The following ZPBP variants were observed in gnomAD, a reference collection of about 807,000 sequenced individuals.
The protein encoded by ZPBP is zona pellucida-binding protein 1.
In ZPBP, 26 loss-of-function variants were observed where a neutral mutation model predicts 44.8. That is an observed-to-expected ratio of 0.58 (90% CI 0.43 to 0.81). ZPBP has a LOEUF of 0.81. ZPBP is among the 30% of genes least tolerant of loss of function. The probability of loss-of-function intolerance (pLI) is 0.00; values close to 1 mark genes in which losing one functional copy is unlikely to be tolerated. For missense variants in ZPBP, 409 were observed against 434.0 expected (o/e 0.94, Z 0.51); for synonymous variants, 174 against 153.2 (o/e 1.14, Z -1.00).
intron 2 of ZPBP, among the ~76,000 whole-genome samples, chr7:49,897,183 C>T (rs1209438460): frequency 1.3e-5 from 2 of 152,106 alleles, no homozygotes; most frequent in African/African-American, 4.8e-5. Flanking sequence ...GCGTGAGCCA[C>T]CGCGCCCGGC....
intron 1 of ZPBP, among the ~76,000 whole-genome samples, chr7:49,901,544 G>GA (rs894972775): frequency 3.3e-5 from 5 of 151,606 alleles, no homozygotes; most frequent in Admixed American, 1.3e-4. Context: ...AATTATGATA[G>GA]AAAAAATCAT....
At chr7:49,984,520 C>T (rs1260452737) in intron 6 of ZPBP, among the ~76,000 whole-genome samples, 1 of 152,122 alleles carries the variant, frequency 6.6e-6, no homozygotes, top group African/African-American at 2.4e-5. Flanking sequence ...TGAAACTGTT[C>T]TACTTTAGAT....
At chr7:49,946,854 T>C (rs1795123772) in intron 7 of ZPBP, among the ~76,000 whole-genome samples, 1 of 152,154 alleles carries the variant, frequency 6.6e-6, no homozygotes, top group African/African-American at 2.4e-5. Flanking sequence ...TTAGAGGCTA[T>C]TTTCTAGATC....
At chr7:50,034,195 T>C (rs77870963) in intron 4 of ZPBP, among the ~76,000 whole-genome samples, 1 of 151,442 alleles carries the variant, frequency 6.6e-6, no homozygotes, top group Non-Finnish European at 1.5e-5. Flanking sequence ...TTTTTTTTTT[T>C]AATTATCTAG....
chr7:49,987,121 G>T (rs1012512397), intron 6 of ZPBP, among the ~76,000 whole-genome samples: 4 of 152,080 alleles, frequency 2.6e-5, no homozygotes, highest in Admixed American at 1.3e-4. Context: ...GAACCACCTT[G>T]AATTTTCCTC....
intron 2 of ZPBP, among the ~76,000 whole-genome samples, chr7:49,874,297 A>G (rs1264417153): frequency 2.0e-5 from 3 of 152,158 alleles, no homozygotes; most frequent in East Asian, 3.8e-4. Context: ...TACCTTTTCT[A>G]TGGTTAGATA....
intron 7 of ZPBP, among the ~76,000 whole-genome samples, chr7:49,960,143 G>A (rs1795796517): frequency 6.6e-6 from 1 of 152,112 alleles, no homozygotes; most frequent in Non-Finnish European, 1.5e-5. Context: ...ACAGAGGCCG[G>A]GCGCGGTGAC....
chr7:49,913,562 T>C (rs1405168115), intron 1 of ZPBP: 1 of 152,212 alleles, frequency 6.6e-6, no homozygotes, highest in Non-Finnish European at 1.5e-5. Flanking sequence ...TTTTTGTTTA[T>C]TCTGAAATTT....
At chr7:49,940,692 A>G (rs1029186306) in intron 7 of ZPBP, 1 of 950,066 alleles carries the variant, frequency 1.1e-6, no homozygotes, top group Non-Finnish European at 1.3e-6. Context: ...ATTAAAAAAA[A>G]AAAATTGTGG....
chr7:49,955,540 G>C (rs979847427), intron 7 of ZPBP, among the ~76,000 whole-genome samples: 4 of 151,960 alleles, frequency 2.6e-5, no homozygotes, highest in Non-Finnish European at 5.9e-5. Flanking sequence ...CTGGGCAAGA[G>C]AGCGAGACTC....
rs184286722 is a variant in ZPBP at position 50,024,015 on chromosome 7, A to G, written c.707-5699T>C. Reference sequence around the variant, plus strand: ...GGAATAATAGCATAAGTTGTATAATATACAAAATGGTAATGCCAGAAGGAG... The same window carrying G: ...GGAATAATAGCATAAGTTGTATAATGTACAAAATGGTAATGCCAGAAGGAG... On this transcript the variant is annotated intron_variant, in intron 5 of 7. Coordinates refer to ENST00000046087, the MANE Select transcript of ZPBP (RefSeq NM_007009.3). Among the ~76,000 whole-genome samples the G allele has an allele frequency of 6.6e-5, 10 of 152,140 alleles. No homozygotes were observed. The East Asian group carries it at 1.7e-3, about 26-fold the overall frequency.
At chr7:49,895,393 CA>C (rs1234764673) in intron 2 of ZPBP, among the ~76,000 whole-genome samples, 5 of 152,168 alleles carry the variant, frequency 3.3e-5, no homozygotes, top group African/African-American at 1.2e-4. Context: ...CAGATCACAG[CA>C]TTGTGCATCA....
At chr7:50,061,647 G>A (rs1419485798) in intron 3 of ZPBP, among the ~76,000 whole-genome samples, 1 of 152,226 alleles carries the variant, frequency 6.6e-6, no homozygotes, top group Non-Finnish European at 1.5e-5. Flanking sequence ...CATATTGACA[G>A]AGCAGGAGCA....
At chr7:50,028,814 G>A (rs1799455758) in intron 5 of ZPBP, among the ~76,000 whole-genome samples, 3 of 147,584 alleles carry the variant, frequency 2.0e-5, no homozygotes, top group Admixed American at 2.0e-4. Context: ...ACTGAAAACT[G>A]TAAAATGCTG....
At chr7:49,951,953 GA>G (rs1562796789) in intron 7 of ZPBP, among the ~76,000 whole-genome samples, 1 of 151,636 alleles carries the variant, frequency 6.6e-6, no homozygotes. Context: ...TATGCTAAGT[GA>G]AAAAAGCCAG....
intron 2 of ZPBP, chr7:49,850,624 A>G (rs1338435773): frequency 3.3e-5 from 5 of 152,208 alleles, no homozygotes; most frequent in African/African-American, 4.8e-5. Context: ...CTAATTTCAT[A>G]TTACCTAAAG....
rs1793321946 is a variant in ZPBP, at chr7:49,910,020, G to A, written n.412-8805C>T. Among the ~76,000 whole-genome samples the A allele has an allele frequency of 1.3e-5, 2 of 151,942 alleles. 1 individual carries two copies. The highest frequency in any genetic ancestry group is 3.9e-4 in the East Asian group (2 of 5,176). ...GCTACTCAGGAGGCTAAGGTGGGAG[G>A]GTCCCTTGAGCCCAGGAGATTGAAG... On this transcript the variant is annotated intron_variant and non_coding_transcript_variant, in intron 1 of 2. Transcript: ENST00000465922.
downstream of ZPBP, among the ~76,000 whole-genome samples, chr7:49,933,394 C>T (rs550095884): frequency 6.6e-6 from 1 of 152,126 alleles, no homozygotes; most frequent in South Asian, 2.1e-4. Context: ...CTTGCTTAAA[C>T]AAAAGAAACT....
intron 2 of ZPBP, among the ~76,000 whole-genome samples, chr7:49,857,616 T>A (rs1790478129): frequency 1.3e-5 from 2 of 151,904 alleles, no homozygotes; most frequent in Non-Finnish European, 2.9e-5. Context: ...CTCACAACTG[T>A]CAAAATGGCT....
Sources: gnomAD v4.1 joint callset for allele counts (sites outside exome capture counted in the v4.1 genomes callset) on GRCh38, gnomAD v4.1.1 for gene constraint, MANE v1.5 for transcripts, NCBI Gene and HGNC (gene_info 2026-07-23, HGNC 2026-07-21) for gene names.